The following ATP8B4 variants were observed in gnomAD, a reference collection of about 807,000 sequenced individuals.
ATP8B4 encodes the protein ATPase phospholipid transporting 8B4 (putative), also known as probable phospholipid-transporting ATPase IM.
In ATP8B4, 133 loss-of-function variants were observed where a neutral mutation model predicts 145.6. That is an observed-to-expected ratio of 0.91 (90% CI 0.79 to 1.05). The LOEUF is 1.05. Among genes scored for constraint, ATP8B4 ranks in the 50% least tolerant of loss-of-function variants. The pLI is 0.00. For missense variants in ATP8B4, 1,458 were observed against 1,425.2 expected (o/e 1.02, Z -0.37); for synonymous variants, 507 against 492.9 (o/e 1.03, Z -0.38).
At chr15:50,065,789 AAAT>A (rs1455186263) in intron 3 of ATP8B4, among the ~76,000 whole-genome samples, 1 of 152,122 alleles carries the variant, frequency 6.6e-6, no homozygotes, top group Non-Finnish European at 1.5e-5. Context: ...AAGAAAGTAA[AAAT>A]AAAAATAAAT....
intron 14 of ATP8B4, among the ~76,000 whole-genome samples, chr15:49,940,248 A>G (rs553937573): frequency 6.6e-6 from 1 of 152,346 alleles, no homozygotes; most frequent in South Asian, 2.1e-4. Context: ...CTTTGTAGCC[A>G]CATGGATGCA....
intron 7 of ATP8B4, among the ~76,000 whole-genome samples, chr15:50,006,630 A>T (rs1205049811): frequency 6.6e-6 from 1 of 152,176 alleles, no homozygotes; most frequent in Non-Finnish European, 1.5e-5. Flanking sequence ...CAAATTAATC[A>T]TTCTAGCCCT....
chr15:49,999,441 G>A (rs996384152), intron 8 of ATP8B4, among the ~76,000 whole-genome samples: 7 of 150,708 alleles, frequency 4.6e-5, no homozygotes, highest in Non-Finnish European at 7.4e-5. Context: ...GCTAAATGAC[G>A]AGTTAATGGG....
At chr15:49,905,092 G>A (rs2038454926) in intron 20 of ATP8B4, among the ~76,000 whole-genome samples, 1 of 152,116 alleles carries the variant, frequency 6.6e-6, no homozygotes, top group Non-Finnish European at 1.5e-5. Flanking sequence ...AGCTTTCTAG[G>A]CATGCCTTTA....
chr15:49,881,474 T>C (rs954304220), intron 23 of ATP8B4, among the ~76,000 whole-genome samples: 2 of 152,134 alleles, frequency 1.3e-5, no homozygotes, highest in Non-Finnish European at 2.9e-5. Flanking sequence ...TATGGGCCAG[T>C]TCCAAGATAC....
At chr15:49,867,819 C>G (rs556834091) in intron 25 of ATP8B4, among the ~76,000 whole-genome samples, 1 of 152,258 alleles carries the variant, frequency 6.6e-6, no homozygotes, top group African/African-American at 2.4e-5. Flanking sequence ...GAAAGAAAAA[C>G]ACACTATTCC....
At chr15:49,861,224 G>A (rs555909381) in intron 27 of ATP8B4, among the ~76,000 whole-genome samples, 7 of 152,098 alleles carry the variant, frequency 4.6e-5, no homozygotes, top group East Asian at 1.9e-4. Flanking sequence ...CAAACTTATC[G>A]GACAAACAAG....
intron 6 of ATP8B4, among the ~76,000 whole-genome samples, chr15:50,022,675 G>C (rs2049673259): frequency 1.3e-5 from 2 of 152,146 alleles, no homozygotes; most frequent in Admixed American, 6.5e-5. Context: ...ACATGAACTA[G>C]AGTGCCCCAA....
chr15:50,139,470 A>T lies in ATP8B4; in HGVS notation c.-42-32462T>A, dbSNP rs368328024. Among the ~76,000 whole-genome samples the T allele has an allele frequency of 3.9e-5, 6 of 152,290 alleles. 2 individuals carry two copies. The highest frequency in any genetic ancestry group is 1.3e-4 in the Admixed American group (2 of 15,292). Reference sequence around the variant, plus strand: ...GGGCAAGGGGAGGGATAGCACTAGGACAAATACCCAATGCGTGCAGAGCTT... The same window carrying T: ...GGGCAAGGGGAGGGATAGCACTAGGTCAAATACCCAATGCGTGCAGAGCTT... On this transcript the variant is annotated intron_variant, in intron 1 of 3. Transcript: ENST00000558829.
Position 49,859,236 on chromosome 15 carries a change from TA to T in ATP8B4, c.*957del, listed in dbSNP as rs2031199235. Reference sequence around the variant, plus strand: ...TTTAAACAATCTAAACCTGAGTTTTTAAATAGTAATTAAAACAATTATTTAT... The same window carrying T: ...TTTAAACAATCTAAACCTGAGTTTTTAATAGTAATTAAAACAATTATTTAT... On this transcript the variant is annotated 3_prime_UTR_variant, in exon 28 of 28. Coordinates refer to ENST00000284509, the MANE Select transcript of ATP8B4 (RefSeq NM_024837.4). The T allele has an allele frequency of 6.6e-6, 1 of 152,138 alleles. No individual in the cohort carries two copies. Among genetic ancestry groups the T allele is most frequent in the Non-Finnish European group, 1.5e-5 (1 of 68,022 alleles). 9.4% of individuals were successfully genotyped at this position (152,138 alleles called of 1,614,324 possible). A position where few individuals can be genotyped will look rare whatever the true frequency, so the allele number is the denominator to read the frequency against.
chr15:49,861,029 C>A (rs142569760), intron 27 of ATP8B4, among the ~76,000 whole-genome samples: 1 of 89,844 alleles, frequency 1.1e-5, no homozygotes, highest in African/African-American at 3.9e-5. Context: ...TCCCACAACT[C>A]TTTCATTCCC....
At chr15:50,117,180 G>A (rs921916562) in intron 1 of ATP8B4, among the ~76,000 whole-genome samples, 2 of 152,156 alleles carry the variant, frequency 1.3e-5, no homozygotes, top group African/African-American at 4.8e-5. Flanking sequence ...CTCCTGAGTA[G>A]TTGAGATTAC....
chr15:50,034,776 T>G (rs2050712025), intron 6 of ATP8B4, among the ~76,000 whole-genome samples: 1 of 152,194 alleles, frequency 6.6e-6, no homozygotes, highest in Non-Finnish European at 1.5e-5. Context: ...AGCGTGGGAT[T>G]AGGTGACCTC....
At chr15:50,000,142 T>C (rs187876268) in intron 8 of ATP8B4, among the ~76,000 whole-genome samples, 1 of 152,286 alleles carries the variant, frequency 6.6e-6, no homozygotes, top group Admixed American at 6.5e-5. Context: ...ATGTTATGTA[T>C]AAAGCCACCA....
At chr15:50,096,557 T>A (rs1257563379) in intron 2 of ATP8B4, among the ~76,000 whole-genome samples, 2 of 152,126 alleles carry the variant, frequency 1.3e-5, no homozygotes, top group Non-Finnish European at 2.9e-5. Flanking sequence ...AAAAAAAACT[T>A]CTATTCCAAA....
chr15:50,144,611 A>G (rs1165862428), intron 1 of ATP8B4, among the ~76,000 whole-genome samples: 1 of 152,232 alleles, frequency 6.6e-6, no homozygotes, highest in Non-Finnish European at 1.5e-5. Context: ...CCCTCCCTTG[A>G]CACATGAGGA....
intron 2 of ATP8B4, among the ~76,000 whole-genome samples, chr15:50,100,186 A>T (rs2056262786): frequency 6.6e-6 from 1 of 152,144 alleles, no homozygotes; most frequent in South Asian, 2.1e-4. Context: ...ATGCTTCCCA[A>T]TGATGTTGTG....
intron 1 of ATP8B4, among the ~76,000 whole-genome samples, chr15:50,176,067 A>G (rs1418234052): frequency 1.3e-4 from 20 of 151,534 alleles, no homozygotes; most frequent in Non-Finnish European, 2.5e-4. Context: ...CGCAGAGTAT[A>G]TATATATATA....
chr15:50,151,572 G>A (rs1422327913), intron 1 of ATP8B4, among the ~76,000 whole-genome samples: 4 of 152,088 alleles, frequency 2.6e-5, no homozygotes, highest in East Asian at 1.9e-4. Flanking sequence ...TCAACATGGC[G>A]AAACTCCATC....
Sources: allele counts gnomAD v4.1 joint callset (sites outside exome capture counted in the v4.1 genomes callset), GRCh38; gene constraint gnomAD v4.1.1; transcripts MANE v1.5; gene names NCBI Gene and HGNC (gene_info 2026-07-23, HGNC 2026-07-21).